The following CEP170 variants were observed in gnomAD, a reference collection of about 807,000 sequenced individuals.
CEP170 encodes the protein centrosomal protein of 170 kDa.
In CEP170, 21 loss-of-function variants were observed where a neutral mutation model predicts 151.9. That is an observed-to-expected ratio of 0.14 (90% CI 0.10 to 0.20). The LOEUF (loss-of-function observed/expected upper bound fraction) is 0.20. Among genes scored for constraint, CEP170 ranks in the 10% least tolerant of loss-of-function variants. The pLI is 1.00. For missense variants in CEP170, 964 were observed against 1,892.9 expected, an observed-to-expected ratio of 0.51 and a Z score of 9.11; for synonymous variants, 356 against 648.8, an observed-to-expected ratio of 0.55 and a Z score of 6.86.
intron 1 of CEP170, among the ~76,000 whole-genome samples, chr1:243,252,026 G>A (rs1413249726): frequency 1.1e-4 from 16 of 152,016 alleles, no homozygotes; most frequent in Non-Finnish European, 2.9e-5. Flanking sequence ...TTTTGAGTAA[G>A]TAAATAAAAA....
intron 13 of CEP170, among the ~76,000 whole-genome samples, chr1:243,163,651 T>C (rs1447870506): frequency 6.6e-6 from 1 of 152,230 alleles, no homozygotes; most frequent in Non-Finnish European, 1.5e-5. Flanking sequence ...CAATATACGC[T>C]GAGTGATTCC....
intron 10 of CEP170, among the ~76,000 whole-genome samples, chr1:243,177,634 C>T (rs2059339749): frequency 6.6e-6 from 1 of 152,152 alleles, no homozygotes; most frequent in Non-Finnish European, 1.5e-5. Context: ...AAGAATTATG[C>T]AGAATTCTAG....
At chr1:243,205,919 CAACA>C (rs953227332) in intron 4 of CEP170, among the ~76,000 whole-genome samples, 6 of 131,536 alleles carry the variant, frequency 4.6e-5, no homozygotes, top group African/African-American at 1.7e-4. Context: ...AACAAAAAAA[CAACA>C]AACAAAAAGA....
chr1:243,213,546 G>T (rs1383780163), intron 3 of CEP170, among the ~76,000 whole-genome samples: 3 of 152,106 alleles, frequency 2.0e-5, no homozygotes, highest in Non-Finnish European at 4.4e-5. Flanking sequence ...CAGACTCTGT[G>T]TCTTCAAATG....
chr1:243,249,810 G>A (rs112614425), intron 1 of CEP170, among the ~76,000 whole-genome samples: 13 of 152,316 alleles, frequency 8.5e-5, no homozygotes, highest in African/African-American at 2.9e-4. Context: ...AAGGCCAGGC[G>A]CCATGGCTCA....
intron 1 of CEP170, among the ~76,000 whole-genome samples, chr1:243,246,368 A>G (rs1445764460): frequency 6.6e-6 from 1 of 151,032 alleles, no homozygotes; most frequent in Non-Finnish European, 1.5e-5. Context: ...AGTAGCTGGG[A>G]TTACAGGTGT....
chr1:243,193,944 C>G (rs984213392), intron 7 of CEP170, among the ~76,000 whole-genome samples: 8 of 151,922 alleles, frequency 5.3e-5, no homozygotes, highest in African/African-American at 1.9e-4. Context: ...CAAATAAATG[C>G]TTCTCCCTCC....
chr1:243,185,875 C>G lies in CEP170; in HGVS notation c.1470G>C (p.Lys490Asn). Residue 490 changes from lysine to asparagine, a missense_variant, in exon 10 of 20, where the codon AAG (lysine) becomes AAC (asparagine). By Grantham distance (94) the Lys-to-Asn change is moderately conservative. Transcript: ENST00000366542. This position sits in a 1 kb window ranked among gnomAD's most constrained non-coding sequence, Gnocchi z 4.9. ...TGTCACTTTGGTCATCATCATTATC[C>G]TTTTCAGAAGTAGCAGAAGTTGCTT... ...KNQATSATSEKDNDDDQSDKG... is the reference protein window; with the variant it reads ...KNQATSATSENDNDDDQSDKG... 6.2e-7 allele frequency: 1 copy of G among 1,613,558 alleles called. No homozygotes were observed. Among genetic ancestry groups the G allele is most frequent in the East Asian group, 2.2e-5 (1 of 44,892 alleles).
chr1:243,161,490 G>T (rs2058065585), intron 13 of CEP170, among the ~76,000 whole-genome samples: 1 of 151,594 alleles, frequency 6.6e-6, no homozygotes, highest in African/African-American at 2.4e-5. Flanking sequence ...TTTTTTTAAT[G>T]GAGACAGGGT....
intron 7 of CEP170, among the ~76,000 whole-genome samples, chr1:243,194,930 A>T (rs2060545490): frequency 6.6e-6 from 1 of 151,888 alleles, no homozygotes; most frequent in Non-Finnish European, 1.5e-5. Flanking sequence ...TAATCTGCTT[A>T]TGTTCTTAAG....
intron 1 of CEP170, among the ~76,000 whole-genome samples, chr1:243,238,445 T>C (rs1212670602): frequency 6.6e-6 from 1 of 150,980 alleles, no homozygotes. Flanking sequence ...GGCAACACAG[T>C]GAACTGCCCT....
chr1:243,241,178 C>T (rs1337924311), intron 1 of CEP170, among the ~76,000 whole-genome samples: 1 of 152,184 alleles, frequency 6.6e-6, no homozygotes, highest in African/African-American at 2.4e-5. Context: ...GCAAGAATTA[C>T]TTAGAAGTAC....
intron 17 of CEP170, among the ~76,000 whole-genome samples, chr1:243,131,714 C>G (rs2054438512): frequency 1.3e-5 from 2 of 151,958 alleles, no homozygotes; most frequent in Admixed American, 6.6e-5. Context: ...AGGTCCTTAT[C>G]AATTTTAAGC....
intron 10 of CEP170, among the ~76,000 whole-genome samples, chr1:243,181,185 GGA>G (rs942805478): frequency 1.1e-4 from 17 of 152,246 alleles, no homozygotes; most frequent in Admixed American, 2.0e-4. Flanking sequence ...ATGGAAGAGT[GGA>G]GAGAAGAAAC....
At chr1:243,158,524 C>T (rs2057767513) in intron 13 of CEP170, among the ~76,000 whole-genome samples, 1 of 152,050 alleles carries the variant, frequency 6.6e-6, no homozygotes, top group Non-Finnish European at 1.5e-5. Flanking sequence ...TGGCAGACTA[C>T]ATGAAAGCAG....
chr1:243,154,276 C>G (rs1235094716), intron 14 of CEP170, among the ~76,000 whole-genome samples: 1 of 152,272 alleles, frequency 6.6e-6, no homozygotes, highest in Non-Finnish European at 1.5e-5. Flanking sequence ...ATCTATTACT[C>G]TTCAAATATT....
chr1:243,138,326 CCAGGA>C (rs1394333967), intron 16 of CEP170, among the ~76,000 whole-genome samples: 5 of 149,710 alleles, frequency 3.3e-5, no homozygotes, highest in Admixed American at 6.7e-5. Context: ...AACTATTAGG[CCAGGA>C]CAGATCAAGT....
At chr1:243,152,366 C>T (rs1414683769) in intron 14 of CEP170, among the ~76,000 whole-genome samples, 1 of 151,308 alleles carries the variant, frequency 6.6e-6, no homozygotes, top group Non-Finnish European at 1.5e-5. Context: ...AGACTACAGG[C>T]GCCCGCCACC....
At chr1:243,130,088 T>A (rs532184575) in intron 17 of CEP170, among the ~76,000 whole-genome samples, 11 of 152,238 alleles carry the variant, frequency 7.2e-5, no homozygotes, top group South Asian at 2.1e-4. Flanking sequence ...ACAACATGTA[T>A]CACCTGGGTA....
Sources: gnomAD v4.1 joint callset for allele counts (sites outside exome capture counted in the v4.1 genomes callset) on GRCh38, gnomAD v4.1.1 for gene constraint, Gnocchi (gnomAD v3.1) non-coding constraint, MANE v1.5 for transcripts, NCBI Gene and HGNC (gene_info 2026-07-23, HGNC 2026-07-21) for gene names.